The following PTPRK variants were observed in gnomAD, a reference collection of about 807,000 sequenced individuals.
The protein encoded by PTPRK is protein tyrosine phosphatase receptor type K, also known as receptor-type tyrosine-protein phosphatase kappa.
A neutral mutation model predicts 178.0 loss-of-function variants in PTPRK; 75 were observed. The ratio of observed to expected loss-of-function variants is 0.42; its 90% CI spans 0.35 to 0.51. PTPRK has a LOEUF of 0.51. PTPRK is among the 20% of genes least tolerant of loss of function. The pLI is 0.02. For missense variants in PTPRK, 1,441 were observed against 1,797.8 expected (o/e 0.80, Z 3.59); for synonymous variants, 637 against 620.6 (o/e 1.03, Z -0.39).
In PTPRK at chr6:128,370,836, G is replaced by A. The variant is rs569179040; in HGVS notation, c.223+26730C>T. Among the ~76,000 whole-genome samples the A allele has an allele frequency of 2.6e-5, 4 of 152,148 alleles. No homozygotes were observed. In the South Asian group the frequency reaches 8.3e-4, roughly 32 times the overall value. On this transcript the variant is annotated intron_variant, in intron 2 of 29. Coordinates refer to ENST00000368226, the MANE Select transcript of PTPRK (RefSeq NM_002844.4). ...TTCATCATTAAAGTCAAATCTATTT[G>A]CCTTGCAAATAATTTTAAATATTTG...
chr6:128,188,399 GA>G (rs1803139410), intron 6 of PTPRK, among the ~76,000 whole-genome samples: 2 of 152,150 alleles, frequency 1.3e-5, no homozygotes, highest in South Asian at 4.2e-4. Flanking sequence ...ATAAAAAATA[GA>G]AGCCATAAAT....
chr6:128,143,606 C>CTTACCT (rs1241796611), intron 7 of PTPRK, among the ~76,000 whole-genome samples: 3 of 152,106 alleles, frequency 2.0e-5, no homozygotes, highest in African/African-American at 4.8e-5. Context: ...AGTTATTGCC[C>CTTACCT]TTACCTTTCA....
intron 2 of PTPRK, among the ~76,000 whole-genome samples, chr6:128,361,439 AT>A (rs1834727628): frequency 6.6e-6 from 1 of 152,212 alleles, no homozygotes; most frequent in African/African-American, 2.4e-5. Flanking sequence ...TATAAAATGT[AT>A]AAATTTCAGT....
chr6:128,376,958 A>G (rs1837179320), intron 2 of PTPRK, among the ~76,000 whole-genome samples: 1 of 152,218 alleles, frequency 6.6e-6, no homozygotes, highest in African/African-American at 2.4e-5. Context: ...CGATATCATT[A>G]TCAGCATTTT....
At chr6:128,387,372 T>C (rs551853910) in intron 2 of PTPRK, among the ~76,000 whole-genome samples, 14 of 152,344 alleles carry the variant, frequency 9.2e-5, no homozygotes, top group African/African-American at 3.4e-4. Context: ...CATATTATGA[T>C]AATGCAAACA....
At chr6:128,145,390 A>G (rs910243531) in intron 7 of PTPRK, among the ~76,000 whole-genome samples, 2 of 152,160 alleles carry the variant, frequency 1.3e-5, no homozygotes, top group Non-Finnish European at 2.9e-5. Context: ...GTCCAAACTC[A>G]TAAAGTTGTG....
chr6:128,038,529 T>C (rs1244412613), intron 13 of PTPRK, among the ~76,000 whole-genome samples: 3 of 152,088 alleles, frequency 2.0e-5, no homozygotes, highest in Admixed American at 2.0e-4. Context: ...ACTGCTCCAC[T>C]CAATGACAAT....
intron 7 of PTPRK, among the ~76,000 whole-genome samples, chr6:128,143,150 G>A (rs1416162283): frequency 6.6e-6 from 1 of 151,962 alleles, no homozygotes; most frequent in Admixed American, 6.6e-5. Context: ...AGGCAGAAGA[G>A]AGGCTAAAGG....
chr6:128,404,595 T>G (rs376839371), intron 1 of PTPRK, among the ~76,000 whole-genome samples: 1 of 152,224 alleles, frequency 6.6e-6, no homozygotes, highest in African/African-American at 2.4e-5. Flanking sequence ...ACCTAATTTT[T>G]AGCTCTCAGG....
Position 127,991,332 on chromosome 6 carries a change from A to G in PTPRK, c.2941T>C (p.Cys981Arg). ...WRMIWQEQSA[C>R]IVMVTNLVEV... is the part of the protein sequence containing the mutation. ...ACTAAATTTGTAACCATCACAATGCAAGCAGATTGTTCTTGCCAAATCATC... is the reference window on the plus strand; with the variant it reads ...ACTAAATTTGTAACCATCACAATGCGAGCAGATTGTTCTTGCCAAATCATC... The change falls in exon 20 of 30, where the codon TGC (cysteine) becomes CGC (arginine). Residue 981 changes from cysteine to arginine, a missense_variant. By Grantham distance (180) the Cys-to-Arg change is radical (BLOSUM62 -3). Around this residue, in one of 4 missense-constraint regions of PTPRK, gnomAD observed 945 missense variants for 1,080.6 expected, o/e 0.87. Transcript: ENST00000368226. The G allele has an allele frequency of 6.2e-7, 1 of 1,602,034 alleles. No homozygotes were observed. The highest frequency in any genetic ancestry group is 2.3e-5 in the East Asian group (1 of 44,266).
At chr6:128,072,694 T>C (rs1486454811) in intron 11 of PTPRK, among the ~76,000 whole-genome samples, 2 of 152,072 alleles carry the variant, frequency 1.3e-5, no homozygotes, top group Admixed American at 6.6e-5. Context: ...CCAAATATAC[T>C]AAACATACAG....
chr6:128,093,983 T>G (rs1400276620), intron 7 of PTPRK, among the ~76,000 whole-genome samples: 1 of 152,202 alleles, frequency 6.6e-6, no homozygotes, highest in African/African-American at 2.4e-5. Context: ...GAGTAGACAT[T>G]TGTGTTAGGT....
In PTPRK at chr6:128,368,389, G is replaced by GA. The variant is rs67356327; in HGVS notation, c.223+29176dup. Among the ~76,000 whole-genome samples the GA allele has an allele frequency of 2.5e-3, 341 of 136,696 alleles. 3 individuals are homozygous for GA. Among genetic ancestry groups the GA allele is most frequent in the Admixed American group, 0.011 (150 of 13,626 alleles). 89.7% of individuals were successfully genotyped at this position (136,696 alleles called of 152,430 possible). On this transcript the variant is annotated intron_variant, in intron 2 of 29. Transcript: ENST00000368226. ...AACAATAAACTGTTCTGTTAAAAAAGAAAAAAAAAAAACGTCAAAGTGCAG... is the reference window on the plus strand; with the variant it reads ...AACAATAAACTGTTCTGTTAAAAAAGAAAAAAAAAAAAACGTCAAAGTGCAG...
intron 3 of PTPRK, among the ~76,000 whole-genome samples, chr6:128,280,449 A>G (rs1821491228): frequency 6.6e-6 from 1 of 152,220 alleles, no homozygotes; most frequent in Non-Finnish European, 1.5e-5. Context: ...TTATCAAAGA[A>G]AATACTATTA....
At chr6:128,140,970 T>C (rs1463349539) in intron 7 of PTPRK, among the ~76,000 whole-genome samples, 1 of 151,942 alleles carries the variant, frequency 6.6e-6, no homozygotes, top group African/African-American at 2.4e-5. Flanking sequence ...TTTCTATGGC[T>C]TCAAGACTAT....
At position 128,368,246 on chromosome 6, in the gene PTPRK, A is replaced by C. The variant is rs571884778; in HGVS notation, c.223+29320T>G. Among the ~76,000 whole-genome samples the C allele has an allele frequency of 7.9e-5, 12 of 152,198 alleles. No individual in the cohort carries two copies. In the East Asian group the frequency reaches 2.3e-3, roughly 29 times the overall value. ...GACAGAGAGCAGAGAATATAAACTG[A>C]AGGAGGAACTAAGATGAAAAGAAAG... On this transcript the variant is annotated intron_variant, in intron 2 of 29. Transcript: ENST00000368226.
At chr6:128,208,243 G>A (rs1002154974) in intron 6 of PTPRK, among the ~76,000 whole-genome samples, 4 of 149,428 alleles carry the variant, frequency 2.7e-5, no homozygotes, top group African/African-American at 9.9e-5. Flanking sequence ...ACCCACTACA[G>A]TGAATGACAT....
intron 2 of PTPRK, among the ~76,000 whole-genome samples, chr6:128,363,860 T>C (rs1029664543): frequency 6.6e-6 from 1 of 152,186 alleles, no homozygotes; most frequent in African/African-American, 2.4e-5. Flanking sequence ...TTTAGATTTA[T>C]AGCACTCTCT....
intron 1 of PTPRK, among the ~76,000 whole-genome samples, chr6:128,415,841 T>C (rs1054555493): frequency 3.3e-5 from 5 of 152,122 alleles, no homozygotes; most frequent in Non-Finnish European, 4.4e-5. Context: ...CTATTCAAAA[T>C]AACTGAAAAT....
Sources: gnomAD v4.1 joint callset for allele counts (sites outside exome capture counted in the v4.1 genomes callset) on GRCh38, gnomAD v4.1.1 for gene constraint, gnomAD v4.1.1 regional missense constraint, MANE v1.5 for transcripts, NCBI Gene and HGNC (gene_info 2026-07-23, HGNC 2026-07-21) for gene names.